Variants in BCAR3 observed in about 807,000 individuals in gnomAD.
BCAR3 encodes breast cancer anti-estrogen resistance protein 3.
BCAR3 carries 37 observed loss-of-function variants against 80.1 expected under a neutral mutation model. That is an observed-to-expected ratio of 0.46 (90% confidence interval 0.36 to 0.61). The LOEUF is 0.61. BCAR3 is among the 20% of genes least tolerant of loss of function. The probability of loss-of-function intolerance (pLI) is 0.00; values close to 1 mark genes in which losing one functional copy is unlikely to be tolerated. For synonymous variants in BCAR3, 389 were observed against 418.9 expected, an observed-to-expected ratio of 0.93 and a Z score of 0.87; for missense variants, 978 against 1,068.2, an observed-to-expected ratio of 0.92 and a Z score of 1.18.
chr1:93,620,281 C>A (rs72721056), intron 3 of BCAR3, among the ~76,000 whole-genome samples: 2,837 of 152,306 alleles, frequency 0.019, 60 homozygotes, highest in South Asian at 0.049. Flanking sequence ...ATATGTTACT[C>A]ATTAAATTCT....
chr1:93,788,027 T>C (rs1653013597), intron 2 of BCAR3, among the ~76,000 whole-genome samples: 1 of 152,218 alleles, frequency 6.6e-6, no homozygotes. Context: ...AGGAATGTAA[T>C]GTCTTCCTGT....
chr1:93,688,389 A>G (rs140199505), intron 3 of BCAR3, among the ~76,000 whole-genome samples: 3 of 151,938 alleles, frequency 2.0e-5, no homozygotes, highest in Non-Finnish European at 2.9e-5. Context: ...CCTGTTTCCC[A>G]TTTACATCCT....
At chr1:93,822,421 CCT>C (rs59156680) in intron 2 of BCAR3, among the ~76,000 whole-genome samples, 2,754 of 151,758 alleles carry the variant, frequency 0.018, 33 homozygotes, top group Non-Finnish European at 0.026. Flanking sequence ...CTCACTGCAA[CCT>C]CTGTCTCCCA....
chr1:93,778,440 T>C (rs1360295218), intron 2 of BCAR3, among the ~76,000 whole-genome samples: 1 of 152,222 alleles, frequency 6.6e-6, no homozygotes, highest in Non-Finnish European at 1.5e-5. Context: ...ATTTGCTCTA[T>C]CCTATTATAT....
intron 2 of BCAR3, among the ~76,000 whole-genome samples, chr1:93,672,026 T>C (rs937525559): frequency 3.3e-5 from 5 of 152,158 alleles, no homozygotes; most frequent in South Asian, 4.1e-4. Context: ...CCTGTATTCA[T>C]CTTTAACAAT....
At chr1:93,591,383 G>T (rs528528378) in intron 4 of BCAR3, among the ~76,000 whole-genome samples, 3 of 152,214 alleles carry the variant, frequency 2.0e-5, no homozygotes, top group Non-Finnish European at 4.4e-5. Flanking sequence ...GCTGAGGCAG[G>T]AGAATCGCTT....
intron 2 of BCAR3, among the ~76,000 whole-genome samples, chr1:93,709,048 A>T (rs1649924473): frequency 6.6e-6 from 1 of 152,070 alleles, no homozygotes; most frequent in African/African-American, 2.4e-5. Flanking sequence ...TCACAAGGAG[A>T]AGTGCTGCGA....
intron 2 of BCAR3, among the ~76,000 whole-genome samples, chr1:93,718,718 G>A (rs1248591480): frequency 2.9e-5 from 3 of 104,834 alleles, no homozygotes; most frequent in African/African-American, 7.2e-5. Context: ...TTTTTGAGAC[G>A]GGGTTTGGCT....
intron 3 of BCAR3, among the ~76,000 whole-genome samples, chr1:93,629,057 A>G (rs763289300): frequency 6.6e-6 from 1 of 152,246 alleles, no homozygotes; most frequent in Non-Finnish European, 1.5e-5. Context: ...ATGATGTCCA[A>G]TGAAAAAAGC....
At chr1:93,605,558 A>G (rs1356223646) in intron 3 of BCAR3, 1 of 152,262 alleles carries the variant, frequency 6.6e-6, no homozygotes, top group African/African-American at 2.4e-5. Flanking sequence ...CCCTAATAAA[A>G]GAGTTTGAAA....
At chr1:93,670,200 G>A (rs1378627276) in intron 2 of BCAR3, among the ~76,000 whole-genome samples, 1 of 152,214 alleles carries the variant, frequency 6.6e-6, no homozygotes, top group African/African-American at 2.4e-5. Context: ...ACCTCTCAGA[G>A]AAACCTGGGT....
chr1:93,797,198 G>A (rs1653309174), intron 2 of BCAR3, among the ~76,000 whole-genome samples: 1 of 152,150 alleles, frequency 6.6e-6, no homozygotes, highest in African/African-American at 2.4e-5. Context: ...CTTTGGCATA[G>A]TCCCTCGTTA....
At chr1:93,748,428 C>G (rs1230839879) in intron 2 of BCAR3, among the ~76,000 whole-genome samples, 5 of 152,214 alleles carry the variant, frequency 3.3e-5, no homozygotes, top group Non-Finnish European at 1.5e-5. Flanking sequence ...TACCCATCCC[C>G]AAGAACTGTT....
At chr1:93,591,386 A>G (rs1047894495) in intron 4 of BCAR3, among the ~76,000 whole-genome samples, 5 of 152,006 alleles carry the variant, frequency 3.3e-5, no homozygotes, top group African/African-American at 1.2e-4. Context: ...GAGGCAGGAG[A>G]ATCGCTTGAA....
At chr1:93,764,141 C>T (rs527851445) in intron 2 of BCAR3, among the ~76,000 whole-genome samples, 8 of 152,102 alleles carry the variant, frequency 5.3e-5, no homozygotes, top group African/African-American at 1.7e-4. Flanking sequence ...CTCCTGCTTG[C>T]CACAGCAGAT....
At chr1:93,779,697 G>A (rs2100755913) in intron 2 of BCAR3, among the ~76,000 whole-genome samples, 1 of 152,324 alleles carries the variant, frequency 6.6e-6, no homozygotes, top group East Asian at 1.9e-4. Context: ...TAGTGCGTAA[G>A]TTGTTCAGGA....
chr1:93,643,769 G>A (rs897800912), intron 2 of BCAR3, among the ~76,000 whole-genome samples: 2 of 152,072 alleles, frequency 1.3e-5, no homozygotes, highest in Non-Finnish European at 2.9e-5. Flanking sequence ...TTCATGCTGA[G>A]TAGATTTCAA....
chr1:93,705,807 A>G (rs755270530), intron 3 of BCAR3, among the ~76,000 whole-genome samples: 5 of 151,620 alleles, frequency 3.3e-5, no homozygotes, highest in South Asian at 2.1e-4. Context: ...CAGAACAATT[A>G]TGGTCAGCTA....
intron 3 of BCAR3, among the ~76,000 whole-genome samples, chr1:93,702,590 G>T (rs954033550): frequency 2.0e-5 from 3 of 152,200 alleles, no homozygotes; most frequent in Non-Finnish European, 2.9e-5. Context: ...CCCTGTCTTC[G>T]ATTTGACTCT....
Sources: gnomAD v4.1 joint callset for allele counts (sites outside exome capture counted in the v4.1 genomes callset) on GRCh38, gnomAD v4.1.1 for gene constraint, MANE v1.5 for transcripts, NCBI Gene and HGNC (gene_info 2026-07-23, HGNC 2026-07-21) for gene names.